Variants in PLEKHH2 observed in about 807,000 individuals in gnomAD.
PLEKHH2 encodes the protein pleckstrin homology, MyTH4 and FERM domain containing H2.
In PLEKHH2, 129 loss-of-function variants were observed where a neutral mutation model predicts 187.9. The observed-to-expected ratio is 0.69, with a 90% CI of 0.59 to 0.79. The LOEUF is 0.79. PLEKHH2 is among the 30% of genes least tolerant of loss of function. The pLI is 0.00. For synonymous variants in PLEKHH2, 686 were observed against 605.6 expected (o/e 1.13, Z -1.95); for missense variants, 2,076 against 1,751.2 (o/e 1.19, Z -3.31).
At chr2:43,680,020 C>T (rs975927019) in intron 3 of PLEKHH2, among the ~76,000 whole-genome samples, 1 of 71,880 alleles carries the variant, frequency 1.4e-5, no homozygotes, top group Non-Finnish European at 3.0e-5. Flanking sequence ...CTTTCTGGGT[C>T]TTCCAGCATT....
At chr2:43,666,018 G>T (rs1476563398) in intron 2 of PLEKHH2, among the ~76,000 whole-genome samples, 1 of 145,636 alleles carries the variant, frequency 6.9e-6, no homozygotes, top group Non-Finnish European at 1.5e-5. Context: ...CGAGCTTCCC[G>T]GCTGCTTTGT....
At chr2:43,703,211 C>T (rs1669475954) in intron 8 of PLEKHH2, among the ~76,000 whole-genome samples, 1 of 152,120 alleles carries the variant, frequency 6.6e-6, no homozygotes. Context: ...CAAGTTAGAC[C>T]CATTATTAAA....
At chr2:43,712,699 GT>G (rs1558543732) in intron 15 of PLEKHH2, among the ~76,000 whole-genome samples, 2 of 152,058 alleles carry the variant, frequency 1.3e-5, no homozygotes, top group African/African-American at 4.8e-5. Context: ...TATTTAACAC[GT>G]TTTTTTCTAA....
At chr2:43,648,064 TAACA>T (rs1666269339) in intron 2 of PLEKHH2, among the ~76,000 whole-genome samples, 1 of 152,172 alleles carries the variant, frequency 6.6e-6, no homozygotes, top group Non-Finnish European at 1.5e-5. Flanking sequence ...ATCACACAGC[TAACA>T]AAAAGCAGAG....
rs2104515914 is a variant in PLEKHH2, at chr2:43,710,325, T to C, written c.2209T>C (p.Ser737Pro). The C allele has an allele frequency of 1.9e-6, 3 of 1,613,124 alleles. No individual in the cohort carries two copies. Among genetic ancestry groups the C allele is most frequent in the East Asian group, 4.5e-5 (2 of 44,860 alleles). ...LKGGELLYYKSPSDVIRKPQG... is the reference protein window; with the variant it reads ...LKGGELLYYKPPSDVIRKPQG... Reference sequence around the variant, plus strand: ...AGGTGGTGAATTACTTTACTACAAATCTCCGGTGAGTGGAAAGTGTTTTCT... The same window carrying C: ...AGGTGGTGAATTACTTTACTACAAACCTCCGGTGAGTGGAAAGTGTTTTCT... Residue 737 changes from serine (S) to proline (P), a missense_variant, in exon 13 of 30, where the codon TCT becomes CCT. Ser to Pro is a moderately conservative substitution (Grantham distance 74). Transcript: ENST00000282406.
chr2:43,686,977 T>C (rs1668552796), intron 3 of PLEKHH2, among the ~76,000 whole-genome samples: 1 of 140,298 alleles, frequency 7.1e-6, no homozygotes, highest in Admixed American at 6.9e-5. Flanking sequence ...TCTCTCTATA[T>C]ATATTTATAT....
Position 43,700,442 on chromosome 2 carries a change from A to G in PLEKHH2, c.1484A>G (p.Asp495Gly). ...QETDLDLVDG[D>G]STEVLENMDT... ...ACTGATCTTGATCTAGTTGATGGAG[A>G]CAGTACAGAAGTTTTAGAGAATATG... is the stretch of plus-strand genomic sequence containing the variant. The change falls in exon 8 of 30, where the codon GAC becomes GGC. Residue 495 changes from aspartate to glycine, a missense_variant. Coordinates refer to ENST00000282406, the MANE Select transcript of PLEKHH2 (RefSeq NM_172069.4). The G allele has an allele frequency of 6.2e-7, 1 of 1,614,082 alleles. No individual in the cohort carries two copies. The highest frequency in any genetic ancestry group is 1.1e-5 in the South Asian group (1 of 91,084).
intron 8 of PLEKHH2, among the ~76,000 whole-genome samples, chr2:43,700,897 G>A (rs145549307): frequency 0.02 from 3,080 of 152,214 alleles, 67 homozygotes; most frequent in African/African-American, 0.051. Context: ...TGATCCACCT[G>A]CCTTTGCCTC....
intron 4 of PLEKHH2, 93 bp downstream of exon 4, chr2:43,692,756 T>G: frequency 7.3e-7 from 1 of 1,365,834 alleles, no homozygotes; most frequent in South Asian, 1.3e-5. Context: ...TTTCTATATT[T>G]GGGGAGAAAT....
At chr2:43,748,837 AC>A (rs1278752364) in intron 24 of PLEKHH2, among the ~76,000 whole-genome samples, 1 of 151,884 alleles carries the variant, frequency 6.6e-6, no homozygotes, top group East Asian at 1.9e-4. Flanking sequence ...GCTTACTGCA[AC>A]CTTTGCCTCC....
At chr2:43,735,294 C>A (rs948973649) in intron 19 of PLEKHH2, among the ~76,000 whole-genome samples, 2 of 152,076 alleles carry the variant, frequency 1.3e-5, no homozygotes, top group Non-Finnish European at 2.9e-5. Context: ...AACTGGAGAA[C>A]ATTATATTAA....
chr2:43,670,589 A>G (rs1246457636), intron 2 of PLEKHH2, among the ~76,000 whole-genome samples: 1 of 151,804 alleles, frequency 6.6e-6, no homozygotes, highest in African/African-American at 2.4e-5. Context: ...TGGCAATTTT[A>G]TAAGTCTTGA....
In PLEKHH2 at chr2:43,710,105, T is replaced by G. The variant is rs750219948; in HGVS notation, c.2082T>G (p.Ser694=). 31 of 1,613,000 alleles carry G rather than the reference T, an allele frequency of 1.9e-5. No homozygotes were observed. Among genetic ancestry groups the G allele is most frequent in the Non-Finnish European group, 2.6e-5 (31 of 1,179,680 alleles). Residue 694 remains serine, a synonymous_variant, in exon 12 of 30, where the codon TCT becomes TCG. Coordinates refer to ENST00000282406, the MANE Select transcript of PLEKHH2 (RefSeq NM_172069.4). ...PEQKLPKTCS[S]SSDNGKNEPL... ...AGAAGCTCCCAAAAACTTGCTCATC[T>G]TCCAGTGATAATGGGAAAAATGTAA...
At chr2:43,657,823 G>A (rs186051380) in intron 2 of PLEKHH2, among the ~76,000 whole-genome samples, 1 of 152,156 alleles carries the variant, frequency 6.6e-6, no homozygotes, top group East Asian at 1.9e-4. Flanking sequence ...GATAGATACC[G>A]GGCAGACTGG....
intron 27 of PLEKHH2, among the ~76,000 whole-genome samples, chr2:43,761,739 C>T (rs565738564): frequency 1.3e-4 from 20 of 152,146 alleles, no homozygotes; most frequent in South Asian, 2.1e-4. Context: ...ATAAAAAATT[C>T]GGTGGAAATT....
At chr2:43,761,801 G>A (rs1672442877) in intron 27 of PLEKHH2, among the ~76,000 whole-genome samples, 1 of 152,006 alleles carries the variant, frequency 6.6e-6, no homozygotes, top group Admixed American at 6.6e-5. Context: ...TCTTGTTATT[G>A]TGTTTTTATT....
chr2:43,675,961 C>T (rs1304801840), intron 2 of PLEKHH2: 1 of 1,613,856 alleles, frequency 6.2e-7, no homozygotes, highest in African/African-American at 1.3e-5. Flanking sequence ...GTAAGCGGTC[C>T]TCATCTGTAC....
At chr2:43,639,853 TG>T (rs1703291750) in intron 1 of PLEKHH2, among the ~76,000 whole-genome samples, 1 of 151,958 alleles carries the variant, frequency 6.6e-6, no homozygotes, top group African/African-American at 2.4e-5. Context: ...GACGGGGTTT[TG>T]CCATGTTGGC....
At chr2:43,649,003 G>T (rs1369277154) in intron 2 of PLEKHH2, among the ~76,000 whole-genome samples, 1 of 152,132 alleles carries the variant, frequency 6.6e-6, no homozygotes, top group East Asian at 1.9e-4. Flanking sequence ...TATATTTTTG[G>T]AGATGAAGTT....
Sources: gnomAD v4.1 joint callset for allele counts (sites outside exome capture counted in the v4.1 genomes callset) on GRCh38, gnomAD v4.1.1 for gene constraint, MANE v1.5 for transcripts, NCBI Gene and HGNC (gene_info 2026-07-23, HGNC 2026-07-21) for gene names.